Variants in KIAA1328 observed in about 807,000 individuals in gnomAD.
KIAA1328 encodes the protein protein hinderin.
A neutral mutation model predicts 68.1 loss-of-function variants in KIAA1328; 52 were observed. The observed-to-expected ratio is 0.76, with a 90% CI of 0.61 to 0.96. KIAA1328 has a LOEUF of 0.96. Ranked by LOEUF, KIAA1328 falls within the 40% of genes least tolerant of loss-of-function variation. The pLI is 0.00. For missense variants in KIAA1328, 641 were observed against 677.6 expected, an observed-to-expected ratio of 0.95 and a Z score of 0.60; for synonymous variants, 232 against 239.4, an observed-to-expected ratio of 0.97 and a Z score of 0.28.
chr18:37,207,309 T>C (rs2060234184), intron 9 of KIAA1328, among the ~76,000 whole-genome samples: 2 of 152,218 alleles, frequency 1.3e-5, no homozygotes, highest in Admixed American at 6.5e-5. Flanking sequence ...ATTTTGGCTA[T>C]TGCAGCTTAT....
intron 7 of KIAA1328, among the ~76,000 whole-genome samples, chr18:37,153,622 A>G (rs1489425877): frequency 2.2e-5 from 3 of 138,210 alleles, no homozygotes; most frequent in Non-Finnish European, 3.1e-5. Context: ...GCAATCCAAT[A>G]GCTTTTTTTT....
intron 6 of KIAA1328, among the ~76,000 whole-genome samples, chr18:37,065,116 T>C (rs1188013026): frequency 2.6e-5 from 4 of 152,206 alleles, no homozygotes; most frequent in African/African-American, 7.2e-5. Context: ...GTGTGAAAAG[T>C]GAGACTATTT....
intron 6 of KIAA1328, among the ~76,000 whole-genome samples, chr18:36,971,493 G>C (rs888768991): frequency 6.6e-6 from 1 of 152,146 alleles, no homozygotes; most frequent in Admixed American, 6.5e-5. Context: ...GCCAGGTGTG[G>C]TGGTGGATGC....
intron 5 of KIAA1328, among the ~76,000 whole-genome samples, chr18:36,935,703 T>C (rs2151164696): frequency 6.6e-6 from 1 of 152,304 alleles, no homozygotes; most frequent in African/African-American, 2.4e-5. Context: ...CTCAGTACTT[T>C]GCACTGCTTG....
intron 5 of KIAA1328, among the ~76,000 whole-genome samples, chr18:36,914,694 TG>T (rs1277450973): frequency 2.6e-5 from 4 of 152,116 alleles, no homozygotes; most frequent in Non-Finnish European, 5.9e-5. Flanking sequence ...CACTCCAGCC[TG>T]GGCAAAAGAG....
At chr18:37,090,388 G>A (rs1488103173) in intron 7 of KIAA1328, among the ~76,000 whole-genome samples, 4 of 152,136 alleles carry the variant, frequency 2.6e-5, no homozygotes. Flanking sequence ...AACCATTCTT[G>A]ATTGTATTTT....
intron 9 of KIAA1328, among the ~76,000 whole-genome samples, chr18:37,185,718 T>TAC (rs1474688681): frequency 3.8e-4 from 51 of 135,286 alleles, no homozygotes; most frequent in African/African-American, 1.2e-3. Flanking sequence ...CCTACTGATA[T>TAC]ATACACACAC....
chr18:37,118,176 G>A (rs2058173054), intron 7 of KIAA1328, among the ~76,000 whole-genome samples: 1 of 151,820 alleles, frequency 6.6e-6, no homozygotes, highest in South Asian at 2.1e-4. Flanking sequence ...TGTGTTTTTT[G>A]TAGAGATGAC....
intron 7 of KIAA1328, among the ~76,000 whole-genome samples, chr18:37,152,689 G>A (rs2059062724): frequency 6.6e-6 from 1 of 152,138 alleles, no homozygotes; most frequent in Admixed American, 6.6e-5. Context: ...AGGATGAATA[G>A]CTGTGGTGAC....
At chr18:37,060,505 C>T (rs951407259) in intron 6 of KIAA1328, among the ~76,000 whole-genome samples, 4 of 152,138 alleles carry the variant, frequency 2.6e-5, no homozygotes, top group East Asian at 1.9e-4. Flanking sequence ...CAAGTGTTCA[C>T]GTGAATGCGG....
chr18:37,177,336 G>C (rs1181914440), intron 9 of KIAA1328, among the ~76,000 whole-genome samples: 2 of 152,148 alleles, frequency 1.3e-5, no homozygotes, highest in African/African-American at 4.8e-5. Context: ...TGGTGACACA[G>C]TGATTGTTGG....
chr18:37,063,940 A>G lies in KIAA1328; in HGVS notation c.577-2950A>G, dbSNP rs184047985. ...AACTTACCTGTCATTTGAAATATATATATATATCTAGTAATTTCTGACCTT... is the reference window on the plus strand; with the variant it reads ...AACTTACCTGTCATTTGAAATATATGTATATATCTAGTAATTTCTGACCTT... On this transcript the variant is annotated intron_variant, in intron 6 of 9. Transcript: ENST00000280020. Among the ~76,000 whole-genome samples, 453 of 152,218 alleles carry G rather than the reference A, an allele frequency of 3.0e-3. 2 individuals are homozygous for G. Among genetic ancestry groups the G allele is most frequent in the Non-Finnish European group, 5.0e-3 (340 of 68,020 alleles).
intron 4 of KIAA1328, among the ~76,000 whole-genome samples, chr18:36,869,743 G>A (rs1366751997): frequency 4.6e-5 from 7 of 152,122 alleles, no homozygotes; most frequent in African/African-American, 1.7e-4. Flanking sequence ...AGGGAGAAGA[G>A]GTAACCAGAA....
chr18:37,093,081 C>T (rs1320977537), intron 7 of KIAA1328, among the ~76,000 whole-genome samples: 1 of 152,158 alleles, frequency 6.6e-6, no homozygotes, highest in Non-Finnish European at 1.5e-5. Flanking sequence ...TACACTACTG[C>T]ACTCACCCAG....
intron 6 of KIAA1328, among the ~76,000 whole-genome samples, chr18:36,985,569 C>T (rs1435240267): frequency 2.6e-5 from 4 of 152,026 alleles, no homozygotes; most frequent in South Asian, 2.1e-4. Flanking sequence ...ACTCATTTTT[C>T]GGCAAAGATG....
At chr18:36,982,405 A>G (rs1416079587) in intron 6 of KIAA1328, among the ~76,000 whole-genome samples, 1 of 151,676 alleles carries the variant, frequency 6.6e-6, no homozygotes, top group Non-Finnish European at 1.5e-5. Context: ...GAAAAAAAAT[A>G]CATGTTGCAT....
intron 4 of KIAA1328, among the ~76,000 whole-genome samples, chr18:36,867,990 C>T (rs1022726517): frequency 1.3e-5 from 2 of 152,214 alleles, no homozygotes; most frequent in Non-Finnish European, 2.9e-5. Context: ...CGCCACTTGA[C>T]AAGAAAACAG....
chr18:36,941,346 G>T (rs937006791), intron 5 of KIAA1328, among the ~76,000 whole-genome samples: 10 of 152,078 alleles, frequency 6.6e-5, no homozygotes, highest in African/African-American at 2.2e-4. Context: ...TGTAATCCCA[G>T]CACTTTAGGA....
chr18:37,045,575 A>G (rs763474629), intron 6 of KIAA1328, among the ~76,000 whole-genome samples: 1 of 151,902 alleles, frequency 6.6e-6, no homozygotes, highest in Non-Finnish European at 1.5e-5. Flanking sequence ...ACTTGAAGTT[A>G]TATCAGTCAT....
Sources: allele counts gnomAD v4.1 joint callset (sites outside exome capture counted in the v4.1 genomes callset), GRCh38; gene constraint gnomAD v4.1.1; transcripts MANE v1.5; gene names NCBI Gene and HGNC (gene_info 2026-07-23, HGNC 2026-07-21).